KNDC1: variants seen among roughly 807,000 people sequenced by gnomAD.
The protein encoded by KNDC1 is kinase non-catalytic C-lobe domain-containing protein 1.
A neutral mutation model predicts 172.8 loss-of-function variants in KNDC1; 106 were observed. That is an observed-to-expected ratio of 0.61 (90% CI 0.52 to 0.72). KNDC1 has a LOEUF of 0.72. Ranked by LOEUF, KNDC1 falls within the 30% of genes least tolerant of loss-of-function variation. The pLI is 0.00. For synonymous variants in KNDC1, 1,083 were observed against 1,062.2 expected, an observed-to-expected ratio of 1.02 and a Z score of -0.38; for missense variants, 2,325 against 2,394.5, an observed-to-expected ratio of 0.97 and a Z score of 0.61.
In KNDC1 at chr10:133,219,974, G is replaced by A; in HGVS notation, c.4880G>A (p.Ser1627Asn). 1.3e-6 allele frequency: 2 copies of A among 1,552,386 alleles called. No homozygotes were observed. The highest frequency in any genetic ancestry group is 1.7e-6 in the Non-Finnish European group (2 of 1,147,708). ...KAVEVFLKSDSLCLMEGRRFR... is the reference protein window; with the variant it reads ...KAVEVFLKSDNLCLMEGRRFR... ...CACCAGGTCTTCCTGAAGAGCGACA[G>A]CCTGTGTCTGATGGAAGGGCGGCGC... Residue 1627 changes from serine (S) to asparagine (N), a missense_variant, in exon 29 of 30, where the codon AGC becomes AAC. Transcript: ENST00000304613.
chr10:133,207,102 CAG>C (rs755800560), intron 19 of KNDC1, 33 bp from the exon 20 acceptor site: 1 of 1,557,652 alleles, frequency 6.4e-7, no homozygotes, highest in Non-Finnish European at 8.7e-7. Context: ...GGGCGAGGGG[CAG>C]AGTGACCAAG....
chr10:133,204,331 C>T (rs1854463393), intron 17 of KNDC1, among the ~76,000 whole-genome samples: 2 of 152,230 alleles, frequency 1.3e-5, no homozygotes, highest in Non-Finnish European at 2.9e-5. Flanking sequence ...ACATGGCCCA[C>T]GTGACTGAGG....
chr10:133,220,740 GCCGC>G (rs1845568898), intron 29 of KNDC1, among the ~76,000 whole-genome samples: 1 of 97,628 alleles, frequency 1.0e-5, no homozygotes, highest in Non-Finnish European at 2.2e-5. Flanking sequence ...GGCTCAGGCG[GCCGC>G]GCGCCCAGGT....
In KNDC1 at chr10:133,219,846, G is replaced by A. The variant is rs1003216835; in HGVS notation, c.4861-109G>A. ...GAGAGCCGGGTAGACCCCGTGCGTG[G>A]AGAACGCAGGACCCGCTGGGACTGG... On this transcript the variant is annotated intron_variant, in intron 28 of 29. Coordinates refer to ENST00000304613, the MANE Select transcript of KNDC1 (RefSeq NM_152643.8). 24 of 1,101,052 alleles carry A rather than the reference G, an allele frequency of 2.2e-5. No individual in the cohort carries two copies. The South Asian group carries it at 4.2e-4, about 19-fold the overall frequency. The allele number at this position is 1,101,052 out of a possible 1,614,324, so 68.2% of individuals were successfully genotyped here. A position where few individuals can be genotyped will look rare whatever the true frequency, so the allele number is the denominator to read the frequency against.
chr10:133,173,889 G>A (rs1436267663), intron 3 of KNDC1: 1 of 152,182 alleles, frequency 6.6e-6, no homozygotes, highest in African/African-American at 2.4e-5. Flanking sequence ...AACACACTAG[G>A]GCTTTTATGT....
chr10:133,198,915 C>G lies in KNDC1; in HGVS notation c.2407C>G (p.Pro803Ala), dbSNP rs1202551385. The G allele has an allele frequency of 1.3e-6, 2 of 1,579,656 alleles. No individual in the cohort carries two copies. Among genetic ancestry groups the G allele is most frequent in the Non-Finnish European group, 1.7e-6 (2 of 1,167,536 alleles). Residue 803 changes from proline (P) to alanine (A), a missense_variant, in exon 14 of 30, where the codon CCA (proline) becomes GCA (alanine). Physicochemically the swap from Pro to Ala is conservative, Grantham distance 27. Coordinates refer to ENST00000304613, the MANE Select transcript of KNDC1 (RefSeq NM_152643.8). ...PVEQGPAEPI[P>A]PGVASGGLRP... ...AGAGCAAGGGCCGGCTGAGCCGATC[C>G]CACCTGGAGTTGCTTCCGGGGGCCT... is the stretch of plus-strand genomic sequence containing the variant.
intron 1 of KNDC1, among the ~76,000 whole-genome samples, chr10:133,161,637 C>T (rs900406215): frequency 1.3e-5 from 2 of 152,124 alleles, no homozygotes; most frequent in African/African-American, 4.8e-5. Flanking sequence ...TTGGCGATGC[C>T]CCCGCCCCCA....
In KNDC1 at chr10:133,212,874, G is replaced by A. The variant is rs778082696; in HGVS notation, c.4395G>A (p.Thr1465=). The A allele has an allele frequency of 3.2e-5, 52 of 1,613,762 alleles. No homozygotes were observed. The highest frequency in any genetic ancestry group is 6.7e-5 in the East Asian group (3 of 44,890). Residue 1465 remains threonine (T), a synonymous_variant, in exon 24 of 30, where the codon ACG becomes ACA. Transcript: ENST00000304613. The part of the protein sequence containing the change: ...KTSEKGPYFL[T]EYSTHQLFSQ... Reference sequence around the variant, plus strand: ...GTGAGAAGGGGCCCTACTTCCTGACGGAGTACAGCACTCACCAGCTCTTCA... The same window carrying A: ...GTGAGAAGGGGCCCTACTTCCTGACAGAGTACAGCACTCACCAGCTCTTCA...
chr10:133,201,992 C>A, intron 17 of KNDC1, 94 bp downstream of exon 17: 1 of 1,348,146 alleles, frequency 7.4e-7, no homozygotes, highest in Non-Finnish European at 1.0e-6. Context: ...GCACCGTGTG[C>A]CCAGAGCCCC....
At chr10:133,201,027 C>G (rs527671884) in intron 16 of KNDC1, among the ~76,000 whole-genome samples, 44 of 152,320 alleles carry the variant, frequency 2.9e-4, no homozygotes, top group African/African-American at 1.1e-3. Flanking sequence ...CCTATCAAGT[C>G]GGAGACCAGG....
chr10:133,202,584 C>T (rs1275721976), intron 17 of KNDC1: 4 of 456,366 alleles, frequency 8.8e-6, no homozygotes, highest in South Asian at 6.2e-5. Flanking sequence ...GGAACCTCTC[C>T]TACCACCGTC....
intron 6 of KNDC1, among the ~76,000 whole-genome samples, chr10:133,187,721 C>T (rs1239896392): frequency 6.6e-6 from 1 of 152,236 alleles, no homozygotes; most frequent in Non-Finnish European, 1.5e-5. Context: ...AGTGGCCTCC[C>T]AGGCTGAACG....
chr10:133,181,667 G>A (rs755407126), intron 3 of KNDC1, among the ~76,000 whole-genome samples: 1 of 152,196 alleles, frequency 6.6e-6, no homozygotes, highest in Admixed American at 6.5e-5. Context: ...AAGGTCAGCC[G>A]GGGTTCCTGA....
At chr10:133,223,542 C>A (rs1285721201) in intron 29 of KNDC1, among the ~76,000 whole-genome samples, 2 of 53,788 alleles carry the variant, frequency 3.7e-5, no homozygotes, top group Non-Finnish European at 3.4e-5. Flanking sequence ...CTCTTCCCGG[C>A]GTGTGTGTGC....
chr10:133,220,195 G>A, intron 29 of KNDC1, 83 bp downstream of exon 29: 1 of 1,055,074 alleles, frequency 9.5e-7, no homozygotes, highest in Middle Eastern at 3.4e-4. Context: ...GGGCTCAGGC[G>A]GCCGCGCGCC....
chr10:133,211,349 C>T, intron 21 of KNDC1, 73 bp from the exon 22 acceptor site: 1 of 1,446,848 alleles, frequency 6.9e-7, no homozygotes, highest in Non-Finnish European at 9.3e-7. Context: ...CTGGGAGAGC[C>T]ACATGCAAGC....
At chr10:133,170,510 A>AT (rs1853343959) in intron 3 of KNDC1, among the ~76,000 whole-genome samples, 1 of 152,184 alleles carries the variant, frequency 6.6e-6, no homozygotes, top group African/African-American at 2.4e-5. Flanking sequence ...GTGCCTCTCC[A>AT]GTGAAGCTTT....
intron 1 of KNDC1, among the ~76,000 whole-genome samples, chr10:133,166,007 A>C (rs1454042157): frequency 6.6e-6 from 1 of 152,238 alleles, no homozygotes; most frequent in Non-Finnish European, 1.5e-5. Context: ...CCCCATGGCC[A>C]GGCCCCACCG....
chr10:133,169,614 G>A (rs553492770), intron 3 of KNDC1, among the ~76,000 whole-genome samples: 32 of 152,352 alleles, frequency 2.1e-4, no homozygotes, highest in African/African-American at 3.4e-4. Context: ...GCACCCCAGC[G>A]TCCAGAACCC....
Sources: gnomAD v4.1 joint callset for allele counts (sites outside exome capture counted in the v4.1 genomes callset) on GRCh38, gnomAD v4.1.1 for gene constraint, MANE v1.5 for transcripts, NCBI Gene and HGNC (gene_info 2026-07-23, HGNC 2026-07-21) for gene names.